The following AK8 variants were observed in gnomAD, a reference collection of about 807,000 sequenced individuals.
AK8 encodes adenylate kinase 8.
AK8 carries 44 observed loss-of-function variants against 54.6 expected under a neutral mutation model. The ratio of observed to expected loss-of-function variants is 0.81; its 90% CI spans 0.63 to 1.04. The LOEUF (loss-of-function observed/expected upper bound fraction) is 1.04. AK8 is among the 50% of genes least tolerant of loss of function. The pLI is 0.00. For synonymous variants in AK8, 239 were observed against 245.6 expected (o/e 0.97, Z 0.25); for missense variants, 555 against 613.6 (o/e 0.90, Z 1.01).
chr9:132,834,076 G>A (rs771699909), intron 5 of AK8, among the ~76,000 whole-genome samples: 6 of 152,232 alleles, frequency 3.9e-5, no homozygotes, highest in African/African-American at 9.6e-5. Flanking sequence ...CAGTCCCAAC[G>A]AGGCAAGCTG....
intron 5 of AK8, among the ~76,000 whole-genome samples, chr9:132,842,863 C>A (rs1217609525): frequency 6.6e-6 from 1 of 152,236 alleles, no homozygotes. Flanking sequence ...TTGCTAGGGG[C>A]TGGAGGCCCC....
chr9:132,860,621 T>G lies in AK8; in HGVS notation c.333+3044A>C, dbSNP rs1843348166. Among the ~76,000 whole-genome samples, 1 of 152,188 alleles carries G rather than the reference T, an allele frequency of 6.6e-6. No individual in the cohort carries two copies. Among genetic ancestry groups the G allele is most frequent in the African/African-American group, 2.4e-5 (1 of 41,446 alleles). ...AGCATGTTTGGCTTTCTCTGGCTGG[T>G]CTCAGGTTGGAAGCAGGAACAAAAA... On this transcript the variant is annotated intron_variant, in intron 4 of 12. Transcript: ENST00000298545. The surrounding 1 kb of genome is among the most constrained non-coding windows in gnomAD (Gnocchi z 4.4).
At chr9:132,863,104 C>A (rs1025134161) in intron 4 of AK8, among the ~76,000 whole-genome samples, 1 of 152,278 alleles carries the variant, frequency 6.6e-6, no homozygotes, top group African/African-American at 2.4e-5. Flanking sequence ...ACAACACCCA[C>A]ACCTCCTGCA....
Position 132,826,673 on chromosome 9 carries a change from AG to A in AK8, c.757+180del, listed in dbSNP as rs1344995739. The stretch of plus-strand genomic sequence containing the variant: ...CAGGGTCTCCAAGTGGGGTACCCCC[AG>A]GGGCTCTGCACACATGCATTTCTGG... On this transcript the variant is annotated intron_variant, in intron 8 of 12. Transcript: ENST00000298545. The surrounding 1 kb of genome is among the most constrained non-coding windows in gnomAD (Gnocchi z 4.5). Among the ~76,000 whole-genome samples the A allele has an allele frequency of 6.6e-6, 1 of 152,108 alleles. No individual in the cohort carries two copies. The highest frequency in any genetic ancestry group is 1.5e-5 in the Non-Finnish European group (1 of 68,000).
At chr9:132,814,859 C>G in intron 9 of AK8, 132 bp from the exon 10 acceptor site, 1 of 664,272 alleles carries the variant, frequency 1.5e-6, no homozygotes, top group East Asian at 2.8e-5. Flanking sequence ...AAGGGTTTTT[C>G]TGTGTGTGGG....
At chr9:132,823,174 A>G (rs764874360) in intron 9 of AK8, 31 bp downstream of exon 9, 1 of 1,515,750 alleles carries the variant, frequency 6.6e-7, no homozygotes, top group Non-Finnish European at 8.8e-7. Context: ...AGGCTCTCGA[A>G]GCTGGGCAGC....
At chr9:132,780,902 G>C (rs1314459984) in intron 11 of AK8, among the ~76,000 whole-genome samples, 1 of 152,078 alleles carries the variant, frequency 6.6e-6, no homozygotes, top group Non-Finnish European at 1.5e-5. Flanking sequence ...AAGACCTTGT[G>C]GGGGAGGGTT....
chr9:132,825,542 A>C (rs1841835195), intron 8 of AK8, among the ~76,000 whole-genome samples: 1 of 152,228 alleles, frequency 6.6e-6, no homozygotes, highest in South Asian at 2.1e-4. Flanking sequence ...CTGGAAAATT[A>C]TAAGCCATCA....
chr9:132,821,754 AAT>A (rs72338495), intron 9 of AK8, among the ~76,000 whole-genome samples: 7,550 of 86,858 alleles, frequency 0.087, 757 homozygotes, highest in African/African-American at 0.23. Flanking sequence ...TGTATATACA[AAT>A]ATATACATAT....
At chr9:132,829,261 A>G (rs1842010093) in intron 5 of AK8, among the ~76,000 whole-genome samples, 1 of 152,082 alleles carries the variant, frequency 6.6e-6, no homozygotes, top group Non-Finnish European at 1.5e-5. Flanking sequence ...CCTGGCCTAC[A>G]TCTTGATTTT....
intron 11 of AK8, among the ~76,000 whole-genome samples, chr9:132,779,335 T>C (rs1459245132): frequency 6.6e-6 from 1 of 152,236 alleles, no homozygotes; most frequent in Non-Finnish European, 1.5e-5. Flanking sequence ...TTATTCATTT[T>C]CGGAGAGACA....
At chr9:132,822,691 A>AT (rs1185201012) in intron 9 of AK8, among the ~76,000 whole-genome samples, 1 of 152,000 alleles carries the variant, frequency 6.6e-6, no homozygotes, top group Non-Finnish European at 1.5e-5. Context: ...TGATTTCAAT[A>AT]TTTTCTCTCT....
intron 11 of AK8, among the ~76,000 whole-genome samples, chr9:132,765,755 A>G (rs1838700910): frequency 1.3e-5 from 2 of 152,262 alleles, no homozygotes; most frequent in South Asian, 4.1e-4. Context: ...AAAAGTTGAA[A>G]GCTTTTCCTC....
chr9:132,804,991 T>G (rs215165), intron 10 of AK8, among the ~76,000 whole-genome samples: 42,899 of 151,994 alleles, frequency 0.28, 6,209 homozygotes, highest in East Asian at 0.49. Context: ...GGCTTCAAGC[T>G]GCACCTGCCG....
chr9:132,743,345 T>A (rs1214518370), intron 11 of AK8, among the ~76,000 whole-genome samples: 1 of 152,246 alleles, frequency 6.6e-6, no homozygotes, highest in East Asian at 1.9e-4. Flanking sequence ...TCGTCACTGG[T>A]CACTGGAAAC....
intron 5 of AK8, among the ~76,000 whole-genome samples, chr9:132,833,767 G>C (rs1457285767): frequency 1.3e-5 from 2 of 152,270 alleles, no homozygotes; most frequent in African/African-American, 4.8e-5. Context: ...GGAACTTGGC[G>C]AGGCCCAGCA....
At chr9:132,816,719 G>T (rs187558764) in intron 9 of AK8, among the ~76,000 whole-genome samples, 1 of 152,294 alleles carries the variant, frequency 6.6e-6, no homozygotes, top group East Asian at 1.9e-4. Context: ...AGAGAGACAG[G>T]TCTGTAATCC....
intron 11 of AK8, among the ~76,000 whole-genome samples, chr9:132,752,571 A>G (rs977060600): frequency 1.3e-5 from 2 of 152,134 alleles, no homozygotes; most frequent in African/African-American, 2.4e-5. Context: ...CTTTTCTACA[A>G]TAAGTAGATG....
chr9:132,741,184 G>A (rs759788104), intron 11 of AK8, among the ~76,000 whole-genome samples: 2 of 152,230 alleles, frequency 1.3e-5, no homozygotes, highest in Admixed American at 6.5e-5. Context: ...GGGCACAGGA[G>A]CACACTTTAA....
Sources: allele counts gnomAD v4.1 joint callset (sites outside exome capture counted in the v4.1 genomes callset), GRCh38; gene constraint gnomAD v4.1.1; non-coding constraint Gnocchi (gnomAD v3.1); transcripts MANE v1.5; gene names NCBI Gene and HGNC (gene_info 2026-07-23, HGNC 2026-07-21).